Variants in HTR1E observed in about 807,000 individuals in gnomAD.
HTR1E encodes 5-HT-1E.
In HTR1E, 3 loss-of-function variants were observed where a neutral mutation model predicts 3.4. That is an observed-to-expected ratio of 0.89 (90% CI 0.41 to 2.31). HTR1E has a LOEUF of 2.31. Ranked by LOEUF, HTR1E falls within the 30% of genes most tolerant of loss-of-function variation. The pLI is 0.05. For missense variants in HTR1E, 392 were observed against 467.0 expected, an observed-to-expected ratio of 0.84 and a Z score of 1.48; for synonymous variants, 170 against 182.8, an observed-to-expected ratio of 0.93 and a Z score of 0.56.
intron 1 of HTR1E, among the ~76,000 whole-genome samples, chr6:87,014,261 A>G (rs1048583500): frequency 9.4e-6 from 1 of 106,828 alleles, no homozygotes; most frequent in South Asian, 2.7e-4. Context: ...AAGTATAATA[A>G]TAATAATAAT....
intron 1 of HTR1E, among the ~76,000 whole-genome samples, chr6:86,967,142 T>C (rs1767482591): frequency 6.6e-6 from 1 of 152,152 alleles, no homozygotes; most frequent in African/African-American, 2.4e-5. Context: ...TAAAATTAGA[T>C]TATTATTCCT....
At chr6:86,979,102 T>C (rs1767677790) in intron 1 of HTR1E, among the ~76,000 whole-genome samples, 1 of 152,254 alleles carries the variant, frequency 6.6e-6, no homozygotes, top group African/African-American at 2.4e-5. Flanking sequence ...TCAGTCTCTT[T>C]TTCAAGTTTA....
chr6:86,971,035 G>A (rs954671048), intron 1 of HTR1E: 29 of 505,892 alleles, frequency 5.7e-5, no homozygotes, highest in East Asian at 5.0e-4. Context: ...GATCTATACT[G>A]TTGGAAAACA....
chr6:86,990,645 A>G (rs1396058862), intron 1 of HTR1E, among the ~76,000 whole-genome samples: 1 of 152,230 alleles, frequency 6.6e-6, no homozygotes, highest in African/African-American at 2.4e-5. Context: ...AATAGGCATC[A>G]ATAGTGTATT....
intron 1 of HTR1E, among the ~76,000 whole-genome samples, chr6:87,001,647 G>C (rs1768025579): frequency 6.6e-6 from 1 of 152,200 alleles, no homozygotes; most frequent in Non-Finnish European, 1.5e-5. Context: ...GAATTAGAGA[G>C]GGGCAAGGAA....
chr6:87,009,848 C>T (rs1768179004), intron 1 of HTR1E, among the ~76,000 whole-genome samples: 2 of 121,928 alleles, frequency 1.6e-5, no homozygotes, highest in African/African-American at 7.4e-5. Flanking sequence ...CCCCCCCCAC[C>T]TCCCTCCCGG....
At chr6:86,953,628 C>T (rs1309366407) in intron 1 of HTR1E, among the ~76,000 whole-genome samples, 1 of 152,204 alleles carries the variant, frequency 6.6e-6, no homozygotes, top group Non-Finnish European at 1.5e-5. Flanking sequence ...TCAAAACTCA[C>T]ATGATTCCAT....
At position 86,958,248 on chromosome 6, in the gene HTR1E, C is replaced by T. The variant is rs776697403; in HGVS notation, c.-186+20425C>T. ...TAATTTTTTGTATTTTTAGTAGAGA[C>T]GAGGTTTCACTGTGTTAGCCAGGAT... On this transcript the variant is annotated intron_variant, in intron 1 of 1. Coordinates refer to ENST00000305344, the MANE Select transcript of HTR1E (RefSeq NM_000865.3). 2.3e-4 allele frequency among the ~76,000 whole-genome samples: 35 copies of T among 151,922 alleles called. 1 individual carries two copies. The highest frequency in any genetic ancestry group is 1.5e-4 in the Non-Finnish European group (10 of 67,970).
At chr6:86,961,477 C>T (rs1382599924) in intron 1 of HTR1E, among the ~76,000 whole-genome samples, 1 of 152,190 alleles carries the variant, frequency 6.6e-6, no homozygotes, top group Non-Finnish European at 1.5e-5. Flanking sequence ...TTTGCCCAAG[C>T]TTGGTATAAA....
intron 1 of HTR1E, among the ~76,000 whole-genome samples, chr6:86,966,891 A>G (rs1299122843): frequency 2.0e-5 from 3 of 152,224 alleles, no homozygotes; most frequent in Non-Finnish European, 4.4e-5. Context: ...ATTATTTTAA[A>G]GGGTTAATAT....
At chr6:86,952,782 T>C (rs1055832369) in intron 1 of HTR1E, among the ~76,000 whole-genome samples, 4 of 152,168 alleles carry the variant, frequency 2.6e-5, no homozygotes, top group Non-Finnish European at 5.9e-5. Flanking sequence ...AACATAATGA[T>C]TGAATGGTAA....
At chr6:87,014,665 A>G (rs1425934874) in intron 1 of HTR1E, among the ~76,000 whole-genome samples, 2 of 152,200 alleles carry the variant, frequency 1.3e-5, no homozygotes, top group Non-Finnish European at 2.9e-5. Context: ...AGGGACATGG[A>G]TGAGTTGGAA....
At chr6:86,968,726 A>C (rs978766601) in intron 1 of HTR1E, among the ~76,000 whole-genome samples, 2 of 152,110 alleles carry the variant, frequency 1.3e-5, no homozygotes, top group Non-Finnish European at 2.9e-5. Context: ...ACATAATCTG[A>C]ATTGCAAATA....
intron 1 of HTR1E, among the ~76,000 whole-genome samples, chr6:87,010,052 G>T (rs1226548986): frequency 7.5e-6 from 1 of 132,982 alleles, no homozygotes; most frequent in Non-Finnish European, 1.6e-5. Flanking sequence ...GGCTGGCCAG[G>T]CGGGGGGCTG....
chr6:86,958,166 C>CT (rs1387549302), intron 1 of HTR1E, among the ~76,000 whole-genome samples: 1 of 150,488 alleles, frequency 6.6e-6, no homozygotes, highest in Non-Finnish European at 1.5e-5. Flanking sequence ...TGACACCATT[C>CT]TCCTGCCTCA....
Position 87,015,444 on chromosome 6 carries a change from C to T in HTR1E, c.110C>T (p.Thr37Met), listed in dbSNP as rs755301112. 2.5e-5 allele frequency: 40 copies of T among 1,614,026 alleles called. No homozygotes were observed. The highest frequency in any genetic ancestry group is 1.9e-4 in the South Asian group (17 of 91,080). The change falls in exon 2 of 2, where the codon ACG becomes ATG. Residue 37 changes from threonine (T) to methionine (M), a missense_variant. By Grantham distance (81) the Thr-to-Met change is moderately conservative. This residue lies in a region of HTR1E where 189 missense variants were observed against 258.0 expected (regional missense o/e 0.73). Transcript: ENST00000305344. ...CTGGTGGTCATCACCACCCTCACCA[C>T]GTTGCTGAACTTGGCTGTGATCATG... ...MTLVVITTLTTLLNLAVIMAI... is the reference protein window; with the variant it reads ...MTLVVITTLTMLLNLAVIMAI...
chr6:86,972,025 A>T (rs1267069073), intron 1 of HTR1E, among the ~76,000 whole-genome samples: 1 of 152,164 alleles, frequency 6.6e-6, no homozygotes, highest in Non-Finnish European at 1.5e-5. Context: ...AATATAAGAA[A>T]ATGTTTGTTC....
intron 1 of HTR1E, among the ~76,000 whole-genome samples, chr6:86,981,038 C>T (rs1350883086): frequency 6.6e-6 from 1 of 152,210 alleles, no homozygotes; most frequent in African/African-American, 2.4e-5. Flanking sequence ...TCTGAAGACA[C>T]TGGTCATGAT....
At chr6:86,975,898 C>G (rs998470586) in intron 1 of HTR1E, among the ~76,000 whole-genome samples, 1 of 143,524 alleles carries the variant, frequency 7.0e-6, no homozygotes, top group Admixed American at 7.2e-5. Context: ...TTCTCTCTTT[C>G]TCTCTCTCTC....
Sources: gnomAD v4.1 joint callset for allele counts (sites outside exome capture counted in the v4.1 genomes callset) on GRCh38, gnomAD v4.1.1 for gene constraint, gnomAD v4.1.1 regional missense constraint, MANE v1.5 for transcripts, NCBI Gene and HGNC (gene_info 2026-07-23, HGNC 2026-07-21) for gene names.